IGSF11: variants seen among roughly 807,000 people sequenced by gnomAD.
The protein encoded by IGSF11 is immunoglobulin superfamily member 11, also known as CXADR like 1.
IGSF11 carries 22 observed loss-of-function variants against 41.0 expected under a neutral mutation model. That is an observed-to-expected ratio of 0.54 (90% confidence interval 0.38 to 0.77). The LOEUF (loss-of-function observed/expected upper bound fraction) is 0.77. Among genes scored for constraint, IGSF11 ranks in the 30% least tolerant of loss-of-function variants. The pLI is 0.00. For missense variants in IGSF11, 444 were observed against 530.8 expected (o/e 0.84, Z 1.61); for synonymous variants, 219 against 201.3 (o/e 1.09, Z -0.74).
At chr3:119,127,028 G>A (rs2077413561) in intron 1 of IGSF11, among the ~76,000 whole-genome samples, 1 of 152,136 alleles carries the variant, frequency 6.6e-6, no homozygotes, top group South Asian at 2.1e-4. Context: ...TGGAGGATCA[G>A]ATGAAAGAAT....
intron 1 of IGSF11, among the ~76,000 whole-genome samples, chr3:118,991,345 G>C (rs2107652659): frequency 6.6e-6 from 1 of 152,120 alleles, no homozygotes; most frequent in East Asian, 1.9e-4. Flanking sequence ...TGTCTTATGA[G>C]GCTCTCATAA....
At chr3:118,970,679 G>A (rs1379555332) in intron 1 of IGSF11, among the ~76,000 whole-genome samples, 1 of 145,184 alleles carries the variant, frequency 6.9e-6, no homozygotes, top group Non-Finnish European at 1.5e-5. Flanking sequence ...TGGTACTATT[G>A]TATTCTCAGT....
At chr3:118,903,464 G>C (rs1321899035) in intron 6 of IGSF11, among the ~76,000 whole-genome samples, 1 of 151,994 alleles carries the variant, frequency 6.6e-6, no homozygotes, top group African/African-American at 2.4e-5. Context: ...TAAAATAGCT[G>C]GGAAATCAAA....
At position 119,068,193 on chromosome 3, in the gene IGSF11, C is replaced by G. The variant is rs1475449098; in HGVS notation, c.49+36951G>C. Among the ~76,000 whole-genome samples, 7 of 152,302 alleles carry G rather than the reference C, an allele frequency of 4.6e-5. No homozygotes were observed. In the East Asian group the frequency reaches 1.2e-3, roughly 25 times the overall value. On this transcript the variant is annotated intron_variant, in intron 1 of 6. Coordinates refer to the IGSF11 transcript ENST00000354673. Reference sequence around the variant, plus strand: ...CCGTCCATAGAGCAGAAAAGGCATACCAGCAGTGGATCACTAACTTTTGAA... The same window carrying G: ...CCGTCCATAGAGCAGAAAAGGCATAGCAGCAGTGGATCACTAACTTTTGAA...
intron 4 of IGSF11, among the ~76,000 whole-genome samples, chr3:118,912,962 T>C (rs1179380194): frequency 6.6e-6 from 1 of 151,998 alleles, no homozygotes; most frequent in Non-Finnish European, 1.5e-5. Flanking sequence ...ATTGTGCCAC[T>C]GCACTGCAGC....
chr3:119,101,512 A>G (rs951591872), intron 1 of IGSF11, among the ~76,000 whole-genome samples: 9 of 152,182 alleles, frequency 5.9e-5, no homozygotes, highest in Non-Finnish European at 1.3e-4. Context: ...ACACCATCTC[A>G]AAAAACAAAA....
At chr3:119,076,356 G>T (rs1243112854) in intron 1 of IGSF11, among the ~76,000 whole-genome samples, 1 of 152,164 alleles carries the variant, frequency 6.6e-6, no homozygotes, top group Non-Finnish European at 1.5e-5. Flanking sequence ...CATGGGCAAG[G>T]ACTTCATGTC....
At chr3:119,135,197 C>G (rs1246144707) in intron 1 of IGSF11, among the ~76,000 whole-genome samples, 1 of 152,090 alleles carries the variant, frequency 6.6e-6, no homozygotes, top group Non-Finnish European at 1.5e-5. Flanking sequence ...GCAACAAAAG[C>G]CAAAATTGAC....
chr3:118,905,778 AT>A, intron 4 of IGSF11, 60 bp from the exon 5 acceptor site: 1 of 1,594,802 alleles, frequency 6.3e-7, no homozygotes, highest in Non-Finnish European at 8.6e-7. Flanking sequence ...AACCAAAGAA[AT>A]CAGCGGAAGA....
At chr3:119,018,454 C>T (rs2107708449) in intron 1 of IGSF11, among the ~76,000 whole-genome samples, 1 of 152,326 alleles carries the variant, frequency 6.6e-6, no homozygotes, top group East Asian at 1.9e-4. Flanking sequence ...AAGGTAAATA[C>T]AGCTTATAAG....
At chr3:118,934,025 T>G (rs1362445056) in intron 1 of IGSF11, among the ~76,000 whole-genome samples, 1 of 152,144 alleles carries the variant, frequency 6.6e-6, no homozygotes, top group Non-Finnish European at 1.5e-5. Context: ...CTGATAGCAT[T>G]TAAACATCCT....
chr3:119,122,700 C>T (rs1044159646), intron 1 of IGSF11, among the ~76,000 whole-genome samples: 1 of 152,166 alleles, frequency 6.6e-6, no homozygotes. Flanking sequence ...AGCTCAGACA[C>T]GAGGATGGGG....
chr3:119,062,524 A>G (rs780614029), intron 1 of IGSF11, among the ~76,000 whole-genome samples: 2 of 152,236 alleles, frequency 1.3e-5, no homozygotes, highest in Admixed American at 6.5e-5. Context: ...AAACAATCAG[A>G]TCATGCAAAA....
Position 118,902,577 on chromosome 3 carries a change from T to G in IGSF11, c.1239A>C (p.Arg413=). 6.2e-7 allele frequency: 1 copy of G among 1,613,866 alleles called. No homozygotes were observed. Among genetic ancestry groups the G allele is most frequent in the East Asian group, 2.2e-5 (1 of 44,858 alleles). The change falls in exon 7 of 7, where the codon CGA becomes CGC. Residue 413 remains arginine (R), a synonymous_variant. Transcript: ENST00000393775. The part of the protein sequence containing the change: ...SYTISHATLE[R]IGAVPVMVPA... ...GTACCATGACAGGTACTGCACCAAT[T>G]CGTTCCAGTGTTGCGTGGCTGATGG...
intron 1 of IGSF11, among the ~76,000 whole-genome samples, chr3:118,977,092 A>G (rs1169934688): frequency 2.6e-5 from 4 of 152,184 alleles, no homozygotes; most frequent in African/African-American, 9.6e-5. Context: ...ATTTCACTTT[A>G]TATTATCATA....
chr3:119,131,010 A>G (rs1039929384), intron 1 of IGSF11, among the ~76,000 whole-genome samples: 1 of 152,178 alleles, frequency 6.6e-6, no homozygotes, highest in East Asian at 1.9e-4. Context: ...ATCAACATCA[A>G]CAACAAAAAA....
At chr3:118,926,786 A>C (rs546081432) in intron 3 of IGSF11, among the ~76,000 whole-genome samples, 7 of 152,344 alleles carry the variant, frequency 4.6e-5, no homozygotes, top group African/African-American at 9.6e-5. Flanking sequence ...AGAGTGGATA[A>C]TAATGTAGTG....
At chr3:119,041,084 TA>T (rs1241882774) in intron 1 of IGSF11, among the ~76,000 whole-genome samples, 2 of 152,122 alleles carry the variant, frequency 1.3e-5, no homozygotes, top group Non-Finnish European at 2.9e-5. Flanking sequence ...CTACTTAGCT[TA>T]AGAATTTTGA....
chr3:119,017,115 T>C (rs988279855), intron 1 of IGSF11, among the ~76,000 whole-genome samples: 1 of 145,334 alleles, frequency 6.9e-6, no homozygotes, highest in African/African-American at 2.6e-5. Context: ...TACTAAAGCA[T>C]AAGCATTATT....
Sources: allele counts gnomAD v4.1 joint callset (sites outside exome capture counted in the v4.1 genomes callset), GRCh38; gene constraint gnomAD v4.1.1; transcripts MANE v1.5; gene names NCBI Gene and HGNC (gene_info 2026-07-23, HGNC 2026-07-21).